The following GAS7 variants were observed in gnomAD, a reference collection of about 807,000 sequenced individuals.
The protein encoded by GAS7 is growth arrest-specific protein 7.
A neutral mutation model predicts 71.1 loss-of-function variants in GAS7; 28 were observed. The ratio of observed to expected loss-of-function variants is 0.39; its 90% CI spans 0.29 to 0.54. GAS7 has a LOEUF of 0.54. Among genes scored for constraint, GAS7 ranks in the 20% least tolerant of loss-of-function variants. The pLI is 0.62. For synonymous variants in GAS7, 258 were observed against 245.8 expected, an observed-to-expected ratio of 1.05 and a Z score of -0.46; for missense variants, 436 against 627.8, an observed-to-expected ratio of 0.69 and a Z score of 3.27.
intron 1 of GAS7, among the ~76,000 whole-genome samples, chr17:10,110,619 A>G (rs1200321664): frequency 6.6e-6 from 1 of 152,018 alleles, no homozygotes; most frequent in Non-Finnish European, 1.5e-5. Flanking sequence ...CTACAGGTGC[A>G]TGTCACCACG....
At chr17:10,009,163 A>C (rs978940257) in intron 2 of GAS7, among the ~76,000 whole-genome samples, 2 of 151,572 alleles carry the variant, frequency 1.3e-5, no homozygotes, top group African/African-American at 4.9e-5. Flanking sequence ...TACTAAAAAT[A>C]CAAAAAAATT....
chr17:10,027,610 C>T lies in GAS7; in HGVS notation c.184-7713G>A, dbSNP rs116956096. Among the ~76,000 whole-genome samples, 79 of 152,338 alleles carry T rather than the reference C, an allele frequency of 5.2e-4. 2 individuals are homozygous for T. The East Asian group carries it at 0.014, about 27-fold the overall frequency. Reference sequence around the variant, plus strand: ...TTCTGCCTTCCACCATGTGAGGACACGCTATTCCTTTATCTGGCAGACACA... The same window carrying T: ...TTCTGCCTTCCACCATGTGAGGACATGCTATTCCTTTATCTGGCAGACACA... On this transcript the variant is annotated intron_variant, in intron 1 of 13. Coordinates refer to ENST00000432992, the MANE Select transcript of GAS7 (RefSeq NM_201433.2).
chr17:10,196,829 C>T (rs988311205), intron 1 of GAS7, among the ~76,000 whole-genome samples: 1 of 152,182 alleles, frequency 6.6e-6, no homozygotes, highest in Admixed American at 6.5e-5. Flanking sequence ...AGAAGCAATA[C>T]GTTCGCTTTC....
At chr17:9,961,187 C>T (rs2069477171) in intron 4 of GAS7, among the ~76,000 whole-genome samples, 1 of 152,214 alleles carries the variant, frequency 6.6e-6, no homozygotes, top group African/African-American at 2.4e-5. Context: ...GGGCTCCTGG[C>T]CAACGTCAAC....
At chr17:10,164,965 A>T (rs2074282433) in intron 1 of GAS7, among the ~76,000 whole-genome samples, 1 of 152,028 alleles carries the variant, frequency 6.6e-6, no homozygotes, top group Admixed American at 6.5e-5. Flanking sequence ...CCTGGCCAAC[A>T]TGGTGAAACC....
chr17:10,090,432 C>T (rs2073569782), intron 1 of GAS7, among the ~76,000 whole-genome samples: 1 of 152,150 alleles, frequency 6.6e-6, no homozygotes, highest in Non-Finnish European at 1.5e-5. Context: ...AAGGAGATCT[C>T]TCACAAACTT....
chr17:10,125,657 G>C (rs2073940006), intron 1 of GAS7, among the ~76,000 whole-genome samples: 1 of 151,898 alleles, frequency 6.6e-6, no homozygotes, highest in African/African-American at 2.4e-5. Flanking sequence ...GGGAGATGAG[G>C]AGGGAGGAGG....
intron 1 of GAS7, among the ~76,000 whole-genome samples, chr17:10,048,205 G>A (rs926414313): frequency 2.6e-5 from 4 of 152,206 alleles, no homozygotes; most frequent in Non-Finnish European, 4.4e-5. Context: ...GGGAGGCTGA[G>A]GCAGGAGAAC....
At chr17:10,074,481 C>A (rs2073371550) in intron 1 of GAS7, among the ~76,000 whole-genome samples, 1 of 152,148 alleles carries the variant, frequency 6.6e-6, no homozygotes, top group African/African-American at 2.4e-5. Context: ...TGTTGGATAG[C>A]AATGAATCAG....
chr17:10,134,873 G>A (rs1178115092), intron 1 of GAS7, among the ~76,000 whole-genome samples: 5 of 148,278 alleles, frequency 3.4e-5, no homozygotes, highest in African/African-American at 1.0e-4. Flanking sequence ...TCGCCCTATC[G>A]CCAGGCTGGA....
intron 1 of GAS7, among the ~76,000 whole-genome samples, chr17:10,119,487 C>G (rs2073888606): frequency 6.6e-6 from 1 of 152,190 alleles, no homozygotes; most frequent in Non-Finnish European, 1.5e-5. Flanking sequence ...TACGACCATG[C>G]CAATCATGAC....
intron 1 of GAS7, among the ~76,000 whole-genome samples, chr17:10,102,205 T>TAA (rs34961542): frequency 3.4e-4 from 24 of 70,270 alleles, no homozygotes; most frequent in Non-Finnish European, 4.5e-4. Flanking sequence ...AGAGTGCCCG[T>TAA]AAAAAAAAAA....
chr17:10,012,430 G>A (rs916439061), intron 2 of GAS7, among the ~76,000 whole-genome samples: 4 of 152,068 alleles, frequency 2.6e-5, no homozygotes, highest in African/African-American at 9.7e-5. Flanking sequence ...TGGGACTACA[G>A]GTGTGCGCCA....
chr17:9,954,066 T>C (rs3786108), intron 5 of GAS7, among the ~76,000 whole-genome samples: 9,138 of 151,950 alleles, frequency 0.06, 706 homozygotes, highest in African/African-American at 0.17. Context: ...TAGGTAATAA[T>C]AGTAGGGCCC....
chr17:10,098,275 C>T (rs552491980), intron 1 of GAS7, among the ~76,000 whole-genome samples: 1 of 152,156 alleles, frequency 6.6e-6, no homozygotes, highest in Non-Finnish European at 1.5e-5. Context: ...CTAGCCTGGC[C>T]AGGAGAGCAG....
At chr17:9,920,002 T>TGC (rs1372855632) in intron 11 of GAS7, among the ~76,000 whole-genome samples, 6 of 149,028 alleles carry the variant, frequency 4.0e-5, no homozygotes, top group African/African-American at 1.3e-4. Context: ...TGTGTGTGTG[T>TGC]GTGTGTGTGT....
rs551626662 is a variant in GAS7 at position 9,951,250 on chromosome 17, T to G, written c.526-4267A>C. Among the ~76,000 whole-genome samples the G allele has an allele frequency of 2.0e-5, 3 of 152,374 alleles. No homozygotes were observed. In the South Asian group the frequency reaches 6.2e-4, roughly 32 times the overall value. ...ACTGAATAATGCAGTCCATGAAAATTTCAATCAAATTTAATGATAAATTAA... is the reference window on the plus strand; with the variant it reads ...ACTGAATAATGCAGTCCATGAAAATGTCAATCAAATTTAATGATAAATTAA... On this transcript the variant is annotated intron_variant, in intron 5 of 13. Coordinates refer to ENST00000432992, the MANE Select transcript of GAS7 (RefSeq NM_201433.2).
intron 2 of GAS7, among the ~76,000 whole-genome samples, chr17:10,011,923 C>A (rs1454830463): frequency 6.8e-6 from 1 of 147,414 alleles, no homozygotes; most frequent in Non-Finnish European, 1.5e-5. Context: ...TTGTGTGGGC[C>A]GAGATTGCAC....
At position 10,140,923 on chromosome 17, in the gene GAS7, T is replaced by A. The variant is rs768146829; in HGVS notation, c.183+57285A>T. Among the ~76,000 whole-genome samples the A allele has an allele frequency of 1.8e-4, 27 of 152,370 alleles. No homozygotes were observed. The East Asian group carries it at 3.1e-3, about 17-fold the overall frequency. On this transcript the variant is annotated intron_variant, in intron 1 of 13. Transcript: ENST00000432992. ...ATGCAGGGTCCCACACTGGCCACTATGCCTCAATGGCTCCCCCAAGCAGGG... is the reference window on the plus strand; with the variant it reads ...ATGCAGGGTCCCACACTGGCCACTAAGCCTCAATGGCTCCCCCAAGCAGGG...
Sources: gnomAD v4.1 joint callset for allele counts (sites outside exome capture counted in the v4.1 genomes callset) on GRCh38, gnomAD v4.1.1 for gene constraint, MANE v1.5 for transcripts, NCBI Gene and HGNC (gene_info 2026-07-23, HGNC 2026-07-21) for gene names.